Variants in DYM observed in about 807,000 individuals in gnomAD.
The protein encoded by DYM is dymeclin.
DYM carries 78 observed loss-of-function variants against 93.1 expected under a neutral mutation model. That is an observed-to-expected ratio of 0.84 (90% CI 0.70 to 1.01). The LOEUF (loss-of-function observed/expected upper bound fraction) is 1.01, where lower values mean the gene tolerates loss of function less well. DYM is among the 50% of genes least tolerant of loss of function. The probability of loss-of-function intolerance (pLI) is 0.00; values close to 1 mark genes in which losing one functional copy is unlikely to be tolerated. For synonymous variants in DYM, 321 were observed against 319.7 expected (o/e 1.00, Z -0.04); for missense variants, 789 against 845.0 (o/e 0.93, Z 0.82).
At chr18:49,229,402 A>G (rs1356962242) in intron 13 of DYM, among the ~76,000 whole-genome samples, 2 of 152,168 alleles carry the variant, frequency 1.3e-5, no homozygotes, top group Non-Finnish European at 2.9e-5. Context: ...AATAATATAT[A>G]AAGAAAACTC....
At chr18:49,295,127 T>C (rs920671637) in intron 8 of DYM, among the ~76,000 whole-genome samples, 11 of 152,194 alleles carry the variant, frequency 7.2e-5, no homozygotes, top group African/African-American at 1.4e-4. Context: ...TTTACTTCCA[T>C]CATGACCCAA....
chr18:49,155,845 T>C (rs2086349485), intron 15 of DYM, among the ~76,000 whole-genome samples: 1 of 152,266 alleles, frequency 6.6e-6, no homozygotes, highest in African/African-American at 2.4e-5. Context: ...TTTCCATTTT[T>C]GGCTATTGCA....
At chr18:49,095,456 T>TTTTTG (rs1555752068) in intron 17 of DYM, among the ~76,000 whole-genome samples, 2 of 151,954 alleles carry the variant, frequency 1.3e-5, no homozygotes, top group Admixed American at 6.6e-5. Flanking sequence ...TGTTTTTTTT[T>TTTTTG]TTTTGTTTTG....
chr18:49,398,123 T>TA (rs2070341201), intron 2 of DYM, among the ~76,000 whole-genome samples: 1 of 152,228 alleles, frequency 6.6e-6, no homozygotes, highest in Non-Finnish European at 1.5e-5. Flanking sequence ...TTTTTAAAGT[T>TA]AAATTTTTTA....
At chr18:49,232,888 G>A (rs1250773602) in intron 13 of DYM, among the ~76,000 whole-genome samples, 2 of 151,970 alleles carry the variant, frequency 1.3e-5, no homozygotes, top group Admixed American at 6.6e-5. Context: ...GGGATTACGG[G>A]AGTGACCACC....
Position 49,453,217 on chromosome 18 carries a change from G to A in DYM, c.-54+7181C>T, listed in dbSNP as rs112981292. On this transcript the variant is annotated intron_variant, in intron 1 of 17. Coordinates refer to ENST00000675505, the MANE Select transcript of DYM (RefSeq NM_001353214.3). ...GGGGGACTTGGAGAACTTTTGTGTC[G>A]AGCTCAGGGATTGTACACGCACCAA... Among the ~76,000 whole-genome samples, 11 of 85,810 alleles carry A rather than the reference G, an allele frequency of 1.3e-4. 1 individual carries two copies. The highest frequency in any genetic ancestry group is 2.4e-4 in the African/African-American group (5 of 20,802). 56.3% of individuals were successfully genotyped at this position (85,810 alleles called of 152,430 possible).
chr18:49,400,282 C>T (rs2070664390), intron 2 of DYM, among the ~76,000 whole-genome samples: 1 of 152,088 alleles, frequency 6.6e-6, no homozygotes, highest in African/African-American at 2.4e-5. Flanking sequence ...AGAGCATATC[C>T]TTTTGAAGCA....
At chr18:49,308,292 A>G (rs34076182) in intron 8 of DYM, among the ~76,000 whole-genome samples, 64 of 30,172 alleles carry the variant, frequency 2.1e-3, no homozygotes, top group Middle Eastern at 0.01. Context: ...TTGTGTGTGT[A>G]TATATATATA....
At chr18:49,261,770 C>A (rs1036818712) in intron 11 of DYM, among the ~76,000 whole-genome samples, 12 of 152,184 alleles carry the variant, frequency 7.9e-5, no homozygotes, top group Non-Finnish European at 1.0e-4. Context: ...TATATGCCCA[C>A]AATTCACATT....
chr18:49,446,406 T>C (rs1249487782), intron 1 of DYM, among the ~76,000 whole-genome samples: 1 of 152,208 alleles, frequency 6.6e-6, no homozygotes, highest in Non-Finnish European at 1.5e-5. Flanking sequence ...TATACAAGTA[T>C]TACTTTAAGT....
chr18:49,129,888 C>A (rs1276788144), intron 15 of DYM, among the ~76,000 whole-genome samples: 1 of 152,172 alleles, frequency 6.6e-6, no homozygotes, highest in African/African-American at 2.4e-5. Context: ...ATGGTAGAAA[C>A]ATGTCTGCCC....
intron 2 of DYM, among the ~76,000 whole-genome samples, chr18:49,423,073 C>T (rs2073898066): frequency 6.6e-6 from 1 of 152,198 alleles, no homozygotes. Context: ...CTCTCCACCC[C>T]AAATCAACAG....
intron 17 of DYM, among the ~76,000 whole-genome samples, chr18:49,076,637 T>C (rs2077333769): frequency 6.6e-6 from 1 of 152,256 alleles, no homozygotes; most frequent in Non-Finnish European, 1.5e-5. Flanking sequence ...ATATGGTATC[T>C]GTTATTACCA....
intron 1 of DYM, among the ~76,000 whole-genome samples, chr18:49,454,622 G>A (rs188946859): frequency 0.013 from 1,969 of 152,146 alleles, 26 homozygotes; most frequent in Non-Finnish European, 0.018. Context: ...GCTGCAGGCC[G>A]GGTGCGGTGG....
At chr18:49,129,694 C>T (rs1322806551) in intron 15 of DYM, among the ~76,000 whole-genome samples, 5 of 152,080 alleles carry the variant, frequency 3.3e-5, no homozygotes, top group Admixed American at 6.5e-5. Flanking sequence ...ATGGAGCAGG[C>T]GACTGAAGAG....
rs554553651 is a variant in DYM at position 49,085,764 on chromosome 18, C to T, written c.2025+11638G>A. ...CTGGGATTATAGGCACCTGCCACCG[C>T]GCCTGGCTAATTTTTGTATTTTTAG... On this transcript the variant is annotated intron_variant, in intron 17 of 17. Coordinates refer to ENST00000675505, the MANE Select transcript of DYM (RefSeq NM_001353214.3). 3.3e-5 allele frequency among the ~76,000 whole-genome samples: 5 copies of T among 152,032 alleles called. No individual in the cohort carries two copies. The East Asian group carries it at 5.8e-4, about 18-fold the overall frequency.
At chr18:49,320,569 G>C (rs476201) in intron 8 of DYM, among the ~76,000 whole-genome samples, 33,676 of 151,974 alleles carry the variant, frequency 0.22, 4,237 homozygotes, top group Admixed American at 0.34. Flanking sequence ...TCATCTCCCG[G>C]GTTCAAGTAA....
At chr18:49,362,806 AAGG>A (rs2066151019) in intron 6 of DYM, among the ~76,000 whole-genome samples, 1 of 152,216 alleles carries the variant, frequency 6.6e-6, no homozygotes, top group South Asian at 2.1e-4. Flanking sequence ...TCAGGAAGAT[AAGG>A]AGAACTCAAC....
At chr18:49,080,926 C>A (rs1235947687) in intron 17 of DYM, among the ~76,000 whole-genome samples, 2 of 149,450 alleles carry the variant, frequency 1.3e-5, no homozygotes, top group African/African-American at 2.5e-5. Flanking sequence ...CAGAGACGCT[C>A]CTCACTTCCC....
Sources: allele counts gnomAD v4.1 joint callset (sites outside exome capture counted in the v4.1 genomes callset), GRCh38; gene constraint gnomAD v4.1.1; transcripts MANE v1.5; gene names NCBI Gene and HGNC (gene_info 2026-07-23, HGNC 2026-07-21).